The following PFN4 variants were observed in gnomAD, a reference collection of about 807,000 sequenced individuals.
The protein encoded by PFN4 is profilin family member 4.
PFN4 carries 10 observed loss-of-function variants against 16.3 expected under a neutral mutation model. The observed-to-expected ratio is 0.61, with a 90% confidence interval of 0.38 to 1.04. PFN4 has a LOEUF of 1.04. PFN4 is among the 50% of genes least tolerant of loss of function. PFN4 has a pLI of 0.01. For synonymous variants in PFN4, 54 were observed against 56.9 expected (o/e 0.95, Z 0.23); for missense variants, 136 against 153.6 (o/e 0.89, Z 0.61).
At chr2:24,121,807 C>A (rs1573754185) in intron 2 of PFN4, among the ~76,000 whole-genome samples, 2 of 152,118 alleles carry the variant, frequency 1.3e-5, no homozygotes, top group Non-Finnish European at 2.9e-5. Flanking sequence ...GCTTCCTCTC[C>A]CCCACTGTGA....
intron 4 of PFN4, among the ~76,000 whole-genome samples, chr2:24,116,069 C>T (rs1052509434): frequency 6.6e-6 from 1 of 152,108 alleles, no homozygotes; most frequent in Non-Finnish European, 1.5e-5. Context: ...TGGCTCATAT[C>T]TGTAATCCCA....
Position 24,115,238 on chromosome 2 carries a change from G to A in PFN4, c.*345C>T. 1 of 231,120 alleles carries A rather than the reference G, an allele frequency of 4.3e-6. No homozygotes were observed. The highest frequency in any genetic ancestry group is 8.7e-6 in the Non-Finnish European group (1 of 115,532). The allele number at this position is 231,120 out of a possible 1,614,324, so 14.3% of individuals were successfully genotyped here. A position where few individuals can be genotyped will look rare whatever the true frequency, so the allele number is the denominator to read the frequency against. On this transcript the variant is annotated 3_prime_UTR_variant, in exon 5 of 5. Coordinates refer to ENST00000313213, the MANE Select transcript of PFN4 (RefSeq NM_199346.3). The stretch of plus-strand genomic sequence containing the variant: ...TTGCTGCAACCTAACCCTGAGAAAT[G>A]TCTTGGATAAAGAGTGGTGAGAGCC...
intron 4 of PFN4, among the ~76,000 whole-genome samples, chr2:24,116,693 A>G (rs1665929620): frequency 6.6e-6 from 1 of 151,946 alleles, no homozygotes; most frequent in South Asian, 2.1e-4. Flanking sequence ...CGTCTCTACT[A>G]AAAATACAAA....
In PFN4 at chr2:24,115,617, A is replaced by G. The variant is rs1258397157; in HGVS notation, c.362-6T>C. 1 of 1,612,562 alleles carries G rather than the reference A, an allele frequency of 6.2e-7. No individual in the cohort carries two copies. Among genetic ancestry groups the G allele is most frequent in the South Asian group, 1.1e-5 (1 of 91,026 alleles). Reference sequence around the variant, plus strand: ...TTTTTTTCTTAGGTAGTCTCCTGAAAGCAAACACAGCATGGTTATTATTTA... The same window carrying G: ...TTTTTTTCTTAGGTAGTCTCCTGAAGGCAAACACAGCATGGTTATTATTTA... On this transcript the variant is annotated splice_polypyrimidine_tract_variant and splice_region_variant and intron_variant, in intron 4 of 4. Transcript: ENST00000313213.
rs144865682 is a variant in PFN4 at position 24,122,566 on chromosome 2, T to G, written c.-12-19A>C. ...CTCAACTCTGAAAGGGAAAGTGCAG[T>G]TGAAGCCATTGACTCTGGCTAGCTT... On this transcript the variant is annotated intron_variant, in intron 1 of 4. Transcript: ENST00000313213. The G allele has an allele frequency of 9.5e-3, 13,929 of 1,459,624 alleles. 88 individuals are homozygous for G. The highest frequency in any genetic ancestry group is 0.012 in the Non-Finnish European group (12,847 of 1,042,446). The allele number at this position is 1,459,624 out of a possible 1,614,324, so 90.4% of individuals were successfully genotyped here. A position where few individuals can be genotyped will look rare whatever the true frequency, so the allele number is the denominator to read the frequency against.
chr2:24,114,904 C>T lies in PFN4; in HGVS notation c.*679G>A, dbSNP rs977734689. ...GTGCAGTGAGAGTTAGGGTTAGAGT[C>T]AGAAATCTTTTTGAGTTGATTTTTG... On this transcript the variant is annotated 3_prime_UTR_variant, in exon 5 of 5. Coordinates refer to ENST00000313213, the MANE Select transcript of PFN4 (RefSeq NM_199346.3). Among the ~76,000 whole-genome samples, 16 of 152,114 alleles carry T rather than the reference C, an allele frequency of 1.1e-4. No homozygotes were observed. Among genetic ancestry groups the T allele is most frequent in the African/African-American group, 3.6e-4 (15 of 41,428 alleles).
intron 3 of PFN4, among the ~76,000 whole-genome samples, chr2:24,120,723 T>G (rs1450409366): frequency 6.6e-6 from 1 of 152,094 alleles, no homozygotes; most frequent in Non-Finnish European, 1.5e-5. Flanking sequence ...TGGCTAATTT[T>G]CTTGTATTTT....
Position 24,115,469 on chromosome 2 carries a change from C to G in PFN4, c.*114G>C, listed in dbSNP as rs537885713. The G allele has an allele frequency of 1.1e-6, 1 of 879,496 alleles. No homozygotes were observed. Among genetic ancestry groups the G allele is most frequent in the African/African-American group, 1.7e-5 (1 of 58,670 alleles). The allele number at this position is 879,496 out of a possible 1,614,324, so 54.5% of individuals were successfully genotyped here. A position where few individuals can be genotyped will look rare whatever the true frequency, so the allele number is the denominator to read the frequency against. On this transcript the variant is annotated 3_prime_UTR_variant, in exon 5 of 5. Transcript: ENST00000313213. ...ATAAAAATTGCTCCCTTAATTCATT[C>G]TTCTTTTTTAGTGCCTTCTGTCTAG...
intron 3 of PFN4, 137 bp downstream of exon 3, chr2:24,121,026 T>C: frequency 8.6e-7 from 1 of 1,161,762 alleles, no homozygotes; most frequent in East Asian, 2.4e-5. Flanking sequence ...TTCCTGGCAC[T>C]AGACTGCTAT....
At chr2:24,120,633 G>A (rs939901377) in intron 3 of PFN4, among the ~76,000 whole-genome samples, 3 of 151,862 alleles carry the variant, frequency 2.0e-5, no homozygotes, top group Non-Finnish European at 4.4e-5. Context: ...TCGGCTCACT[G>A]CAACCTCTGC....
intron 4 of PFN4, among the ~76,000 whole-genome samples, chr2:24,119,043 C>T (rs1666014726): frequency 1.3e-5 from 2 of 152,124 alleles, no homozygotes; most frequent in Admixed American, 1.3e-4. Flanking sequence ...AATGTATAGA[C>T]ACGGAGGGGG....
chr2:24,116,219 T>C (rs1311098864), intron 4 of PFN4, among the ~76,000 whole-genome samples: 1 of 152,080 alleles, frequency 6.6e-6, no homozygotes, highest in Non-Finnish European at 1.5e-5. Context: ...TCCCAGCTAC[T>C]TGGGAGGCTG....
Position 24,119,609 on chromosome 2 carries a change from G to A in PFN4, c.329C>T (p.Pro110Leu), listed in dbSNP as rs770446514. Residue 110 changes from proline to leucine, a missense_variant, in exon 4 of 5, where the codon CCT (proline) becomes CTT (leucine). Transcript: ENST00000313213. ...LVATYTEGMY[P>L]SICVEATESL... ...CTCTGTGGCTTCCACACAGATGCTA[G>A]GATACATGCCCTCAGTGTAAGTTGC... The A allele has an allele frequency of 1.9e-6, 3 of 1,613,798 alleles. No homozygotes were observed. In the Admixed American group the frequency reaches 5.0e-5, roughly 27 times the overall value.
chr2:24,121,652 G>A (rs1451213348), intron 2 of PFN4, among the ~76,000 whole-genome samples: 1 of 152,064 alleles, frequency 6.6e-6, no homozygotes, highest in Admixed American at 6.6e-5. Context: ...CAGCGTTTTC[G>A]GTGGGGCCTA....
In PFN4 at chr2:24,119,609, G is replaced by C; in HGVS notation, c.329C>G (p.Pro110Arg). The C allele has an allele frequency of 6.2e-7, 1 of 1,613,916 alleles. No individual in the cohort carries two copies. Among genetic ancestry groups the C allele is most frequent in the East Asian group, 2.2e-5 (1 of 44,886 alleles). ...CTCTGTGGCTTCCACACAGATGCTA[G>C]GATACATGCCCTCAGTGTAAGTTGC... ...LVATYTEGMY[P>R]SICVEATESL... The change falls in exon 4 of 5, where the codon CCT (proline) becomes CGT (arginine). Residue 110 changes from proline (P) to arginine (R), a missense_variant. Transcript: ENST00000313213.
chr2:24,122,479 GTCCACATGCTTGGT>G lies in PFN4; in HGVS notation c.43_56del (p.Thr15GlnfsTer25). On this transcript the variant is annotated frameshift_variant, in exon 2 of 5. Transcript: ENST00000313213. LOFTEE classifies it high-confidence loss of function. ...CCTGGATTTTGATGAGGGCTGCACT[GTCCACATGCTTGGT>G]TCCCAAGAGGGTGTCTAACAATAAG... 2 of 1,614,144 alleles carry G rather than the reference GTCCACATGCTTGGT, an allele frequency of 1.2e-6. No individual in the cohort carries two copies. The highest frequency in any genetic ancestry group is 1.7e-6 in the Non-Finnish European group (2 of 1,179,992).
Position 24,121,217 on chromosome 2 carries a change from C to T in PFN4, c.201G>A (p.Lys67=), listed in dbSNP as rs1239425335. 9.3e-6 allele frequency: 15 copies of T among 1,614,048 alleles called. No individual in the cohort carries two copies. Among genetic ancestry groups the T allele is most frequent in the Non-Finnish European group, 1.3e-5 (15 of 1,180,036 alleles). The change falls in exon 3 of 5, where the codon AAG becomes AAA. Residue 67 remains lysine (K), a synonymous_variant. Coordinates refer to ENST00000313213, the MANE Select transcript of PFN4 (RefSeq NM_199346.3). ...CCCGGACACATCTGTAATCTTTTCC[C>T]TTGAAATACAGTCCTTCTCTTCGGG... The part of the protein sequence containing the change: ...LQARREGLYF[K]GKDYRCVRAD...
chr2:24,122,653 T>C (rs906514891), intron 1 of PFN4, 106 bp from the exon 2 acceptor site: 1 of 716,110 alleles, frequency 1.4e-6, no homozygotes, highest in Non-Finnish European at 2.4e-6. Flanking sequence ...GATCAGCAAG[T>C]GTACTTTGAA....
chr2:24,120,586 G>A (rs887614029), intron 3 of PFN4, among the ~76,000 whole-genome samples: 2 of 151,702 alleles, frequency 1.3e-5, no homozygotes, highest in Non-Finnish European at 1.5e-5. Flanking sequence ...ATGGAATTTC[G>A]CTCTTGTTGC....
Sources: gnomAD v4.1 joint callset for allele counts (sites outside exome capture counted in the v4.1 genomes callset) on GRCh38, gnomAD v4.1.1 for gene constraint, MANE v1.5 for transcripts, NCBI Gene and HGNC (gene_info 2026-07-23, HGNC 2026-07-21) for gene names.